Variants in CFAP57 observed in about 807,000 individuals in gnomAD.
CFAP57 encodes the protein cilia and flagella associated protein 57.
CFAP57 carries 116 observed loss-of-function variants against 146.8 expected under a neutral mutation model. That is an observed-to-expected ratio of 0.79 (90% CI 0.68 to 0.92). The LOEUF is 0.92. CFAP57 is among the 40% of genes least tolerant of loss of function. The pLI, the probability that CFAP57 is intolerant of heterozygous loss-of-function variation, is 0.00. For synonymous variants in CFAP57, 518 were observed against 552.8 expected, an observed-to-expected ratio of 0.94 and a Z score of 0.88; for missense variants, 1,377 against 1,527.2, an observed-to-expected ratio of 0.90 and a Z score of 1.64.
intron 16 of CFAP57, among the ~76,000 whole-genome samples, 160 bp downstream of exon 16, chr1:43,223,157 G>T (rs977447166): frequency 6.6e-6 from 1 of 152,174 alleles, no homozygotes; most frequent in African/African-American, 2.4e-5. Flanking sequence ...GCACCCTCAC[G>T]CAGATGGACC....
intron 2 of CFAP57, among the ~76,000 whole-genome samples, chr1:43,177,866 C>T (rs958647458): frequency 4.6e-5 from 7 of 152,302 alleles, no homozygotes; most frequent in Admixed American, 6.5e-5. Flanking sequence ...AGCCCAGCAC[C>T]GTGGGTTGGG....
At position 43,222,991 on chromosome 1, in the gene CFAP57, G is replaced by A. The variant is rs1020562057; in HGVS notation, c.2700G>A (p.Arg900=). 4 of 1,548,606 alleles carry A rather than the reference G, an allele frequency of 2.6e-6. No homozygotes were observed. Among genetic ancestry groups the A allele is most frequent in the South Asian group, 1.2e-5 (1 of 83,680 alleles). The part of the protein sequence containing the change: ...LRLKGETGIM[R]KKFSSLQKEI... The stretch of plus-strand genomic sequence containing the variant: ...TCAAGGGAGAAACAGGCATCATGAG[G>A]AAGAAGGTAGCAGGCTGTTCTCCAA... The change falls in exon 16 of 23, where the codon AGG becomes AGA. Residue 900 remains arginine (R), a synonymous_variant. Transcript: ENST00000372492.
chr1:43,221,218 A>G (rs145436706), intron 13 of CFAP57, among the ~76,000 whole-genome samples, 154 bp from the exon 14 acceptor site: 24 of 152,318 alleles, frequency 1.6e-4, no homozygotes, highest in African/African-American at 5.3e-4. Flanking sequence ...AAAAGTGACA[A>G]TGTGGTTGCT....
intron 2 of CFAP57, among the ~76,000 whole-genome samples, chr1:43,178,655 A>G (rs1372787204): frequency 6.6e-6 from 1 of 152,220 alleles, no homozygotes; most frequent in African/African-American, 2.4e-5. Context: ...GAGAGAATGT[A>G]GAGAAATAAG....
At chr1:43,248,729 A>AT (rs1646212206) in intron 22 of CFAP57, among the ~76,000 whole-genome samples, 1 of 152,114 alleles carries the variant, frequency 6.6e-6, no homozygotes, top group Non-Finnish European at 1.5e-5. Flanking sequence ...TCATATACAG[A>AT]ATTATATATT....
Position 43,209,788 on chromosome 1 carries a change from G to C in CFAP57, c.1801G>C (p.Val601Leu). Residue 601 changes from valine to leucine, a missense_variant, in exon 11 of 23, where the codon GTC becomes CTC. Coordinates refer to ENST00000372492, the MANE Select transcript of CFAP57 (RefSeq NM_001378189.1). Reference protein sequence around the residue: ...SAFDVTYTAIVISHSGRMMFV... With the variant: ...SAFDVTYTAILISHSGRMMFV... ...GTTTGATGTCACCTACACCGCCATT[G>C]TCATCTCGCATTCTGGACGCATGAT... 1 of 1,614,196 alleles carries C rather than the reference G, an allele frequency of 6.2e-7. No individual in the cohort carries two copies. Among genetic ancestry groups the C allele is most frequent in the Non-Finnish European group, 8.5e-7 (1 of 1,180,048 alleles).
chr1:43,226,917 C>T, intron 17 of CFAP57, 66 bp from the exon 18 acceptor site: 2 of 1,424,982 alleles, frequency 1.4e-6, no homozygotes, highest in Non-Finnish European at 1.8e-6. Context: ...TGCTCTTTTG[C>T]CCTAAAGGGC....
intron 11 of CFAP57, among the ~76,000 whole-genome samples, chr1:43,211,729 C>T (rs190319537): frequency 2.0e-5 from 3 of 152,268 alleles, no homozygotes; most frequent in Admixed American, 2.0e-4. Context: ...CTACTGTAAG[C>T]GTTTGTCCAT....
At position 43,254,065 on chromosome 1, in the gene CFAP57, A is replaced by G; in HGVS notation, c.3627A>G (p.Leu1209=). The change falls in exon 23 of 23, where the codon CTA becomes CTG. Residue 1209 remains leucine, a synonymous_variant. Coordinates refer to ENST00000372492, the MANE Select transcript of CFAP57 (RefSeq NM_001378189.1). The part of the protein sequence containing the change: ...ETGRIIEMQR[L]EIQRLRDQIQ... Reference sequence around the variant, plus strand: ...GGAGGATCATTGAAATGCAGCGCCTAGAAATCCAGCGCCTCAGAGACCAGA... The same window carrying G: ...GGAGGATCATTGAAATGCAGCGCCTGGAAATCCAGCGCCTCAGAGACCAGA... 1 of 1,550,606 alleles carries G rather than the reference A, an allele frequency of 6.4e-7. No homozygotes were observed. Among genetic ancestry groups the G allele is most frequent in the East Asian group, 2.4e-5 (1 of 40,898 alleles).
intron 13 of CFAP57, 146 bp downstream of exon 13, chr1:43,219,683 A>G (rs755568914): frequency 5.5e-6 from 6 of 1,085,280 alleles, no homozygotes; most frequent in Non-Finnish European, 6.6e-6. Flanking sequence ...GATATCAGAA[A>G]TGCTTACAAC....
intron 21 of CFAP57, 119 bp from the exon 22 acceptor site, chr1:43,243,108 A>G (rs1645988568): frequency 1.7e-6 from 2 of 1,197,932 alleles, no homozygotes; most frequent in Admixed American, 3.1e-5. Flanking sequence ...GAGGATCCAG[A>G]GTTCTGGATC....
At position 43,187,160 on chromosome 1, in the gene CFAP57, A is replaced by G. The variant is rs72637944; in HGVS notation, c.1122+301A>G. On this transcript the variant is annotated intron_variant, in intron 6 of 22. Transcript: ENST00000372492. ...ATTTTAAGGCATTTAATCTATTGCT[A>G]TATTTGCTCATGTACACAAATATGT... is the stretch of plus-strand genomic sequence containing the variant. Among the ~76,000 whole-genome samples, 32 of 152,348 alleles carry G rather than the reference A, an allele frequency of 2.1e-4. No homozygotes were observed. The East Asian group carries it at 4.8e-3, about 23-fold the overall frequency.
intron 5 of CFAP57, 82 bp downstream of exon 5, chr1:43,185,438 C>A (rs959904954): frequency 2.7e-5 from 36 of 1,312,828 alleles, no homozygotes; most frequent in Non-Finnish European, 3.9e-5. Context: ...GAGAAGGCAT[C>A]TGATGGGGAG....
chr1:43,214,661 T>C (rs1644766643), intron 11 of CFAP57, among the ~76,000 whole-genome samples: 1 of 152,180 alleles, frequency 6.6e-6, no homozygotes, highest in Non-Finnish European at 1.5e-5. Context: ...AATCATATGG[T>C]AAGTGTATAT....
intron 6 of CFAP57, among the ~76,000 whole-genome samples, chr1:43,193,887 G>T (rs1416517280): frequency 6.6e-6 from 1 of 151,846 alleles, no homozygotes; most frequent in African/African-American, 2.4e-5. Flanking sequence ...GTACACATTT[G>T]TTCCCACCCA....
intron 2 of CFAP57, among the ~76,000 whole-genome samples, chr1:43,173,327 A>G (rs1430218572): frequency 6.6e-6 from 1 of 152,138 alleles, no homozygotes; most frequent in Non-Finnish European, 1.5e-5. Context: ...GCAAATAACC[A>G]TTTGTATAGC....
At chr1:43,232,047 TC>T (rs1645493426) in intron 18 of CFAP57, 1 of 700,356 alleles carries the variant, frequency 1.4e-6, no homozygotes. Context: ...TGTTGGTCCC[TC>T]CAAACTTTCT....
chr1:43,183,493 T>C, intron 3 of CFAP57, 98 bp from the exon 4 acceptor site: 1 of 1,115,048 alleles, frequency 9.0e-7, no homozygotes, highest in South Asian at 1.3e-5. Context: ...GGAGATATTC[T>C]GAGCAGCCTG....
chr1:43,196,654 C>T (rs927823507), intron 6 of CFAP57: 5 of 152,266 alleles, frequency 3.3e-5, no homozygotes, highest in African/African-American at 4.8e-5. Context: ...GATCACTCCT[C>T]ATTCAGGTGT....
Sources: gnomAD v4.1 joint callset for allele counts (sites outside exome capture counted in the v4.1 genomes callset) on GRCh38, gnomAD v4.1.1 for gene constraint, MANE v1.5 for transcripts, NCBI Gene and HGNC (gene_info 2026-07-23, HGNC 2026-07-21) for gene names.